SH2D6: variants seen among roughly 807,000 people sequenced by gnomAD.
SH2D6 encodes SH2 domain containing 6, also known as SH2 domain-containing protein 6.
SH2D6 carries 31 observed loss-of-function variants against 30.2 expected under a neutral mutation model. The ratio of observed to expected loss-of-function variants is 1.03; its 90% confidence interval spans 0.77 to 1.38. SH2D6 has a LOEUF of 1.38. Ranked by LOEUF, SH2D6 falls within the 40% of genes most tolerant of loss-of-function variation. The pLI is 0.00. For synonymous variants in SH2D6, 93 were observed against 104.6 expected, an observed-to-expected ratio of 0.89 and a Z score of 0.68; for missense variants, 240 against 266.8, an observed-to-expected ratio of 0.90 and a Z score of 0.70.
chr2:85,425,658 G>A (rs369961569), intron 6 of SH2D6, among the ~76,000 whole-genome samples: 33 of 152,350 alleles, frequency 2.2e-4, no homozygotes, highest in Middle Eastern at 3.4e-3. Context: ...GTAGCTCATA[G>A]CATCTCCAGC....
In SH2D6 at chr2:85,435,099, C is replaced by T; in HGVS notation, c.624C>T (p.Pro208=). ...AATCGTCTCTTCCCTCTGTAGCCCC[C>T]ACTGGGAGTGCCTCAGCTGCTGAGG... ...GRKSSLPSVA[P]TGSASAAEDS... Residue 208 remains proline (P), a synonymous_variant, in exon 20 of 24, where the codon CCC becomes CCT. Coordinates refer to ENST00000469800, the MANE Select transcript of SH2D6 (RefSeq NM_001394463.1). 6.2e-7 allele frequency: 1 copy of T among 1,611,888 alleles called. No homozygotes were observed. The highest frequency in any genetic ancestry group is 1.7e-5 in the Admixed American group (1 of 59,884).
At chr2:85,431,569 C>T (rs571562666) in intron 13 of SH2D6, among the ~76,000 whole-genome samples, 1 of 152,270 alleles carries the variant, frequency 6.6e-6, no homozygotes, top group African/African-American at 2.4e-5. Context: ...GATTCTGGGG[C>T]CTGAGGACCC....
chr2:85,434,918 G>T, intron 19 of SH2D6, 147 bp from the exon 20 acceptor site: 1 of 1,596,530 alleles, frequency 6.3e-7, no homozygotes. Flanking sequence ...TCTGGAGAGT[G>T]GAGGAAGCAC....
intron 19 of SH2D6, 150 bp from the exon 20 acceptor site, chr2:85,434,915 A>C: frequency 6.3e-7 from 1 of 1,595,238 alleles, no homozygotes; most frequent in Non-Finnish European, 8.5e-7. Flanking sequence ...GGATCTGGAG[A>C]GTGGAGGAAG....
rs960161691 is a variant in SH2D6 at position 85,430,985 on chromosome 2, GGCT to G, written c.251-222_251-220del. 1.3e-5 allele frequency among the ~76,000 whole-genome samples: 2 copies of G among 151,490 alleles called. No homozygotes were observed. Among genetic ancestry groups the G allele is most frequent in the African/African-American group, 4.8e-5 (2 of 41,354 alleles). On this transcript the variant is annotated intron_variant, in intron 12 of 23. Transcript: ENST00000469800. The surrounding 1 kb of genome is among the most constrained non-coding windows in gnomAD (Gnocchi z 4.3). ...AGGGCGGGGGTGCTGGGAGAGCCCC[GGCT>G]GCCGCTGGCATCCCACCCCCACTGC... is the stretch of plus-strand genomic sequence containing the variant.
chr2:85,425,894 A>C (rs983705103), intron 6 of SH2D6, among the ~76,000 whole-genome samples: 1 of 152,196 alleles, frequency 6.6e-6, no homozygotes, highest in Non-Finnish European at 1.5e-5. Context: ...AGAGTCTGGC[A>C]CGGGGCCTCT....
intron 15 of SH2D6, 118 bp downstream of exon 15, chr2:85,433,239 A>T: frequency 1.4e-6 from 1 of 740,336 alleles, no homozygotes; most frequent in Non-Finnish European, 1.6e-6. Flanking sequence ...GAAAAGGCCC[A>T]GAGCAGGGCC....
intron 15 of SH2D6, 107 bp downstream of exon 15, chr2:85,433,228 G>A (rs1037291333): frequency 1.2e-6 from 1 of 819,998 alleles, no homozygotes; most frequent in African/African-American, 1.9e-5. Context: ...TGAAACCAAG[G>A]GAAAAGGCCC....
intron 17 of SH2D6, 69 bp downstream of exon 17, chr2:85,434,180 T>C (rs1375457309): frequency 6.5e-7 from 1 of 1,534,594 alleles, no homozygotes; most frequent in African/African-American, 1.4e-5. Context: ...GCACCCCAGT[T>C]CAGGCTTCCC....
chr2:85,434,380 T>C lies in SH2D6; in HGVS notation c.564+10T>C. ...CCAGGAAACTCGGAATGTAAGAGGC[T>C]GATGGTCAGGGGAGAAGAGAGGGAG... On this transcript the variant is annotated intron_variant, in intron 18 of 23. Transcript: ENST00000469800. 6.5e-7 allele frequency: 1 copy of C among 1,550,078 alleles called. No individual in the cohort carries two copies. The highest frequency in any genetic ancestry group is 8.7e-7 in the Non-Finnish European group (1 of 1,146,654).
Position 85,434,321 on chromosome 2 carries a change from C to T in SH2D6, c.534-19C>T, listed in dbSNP as rs977293933. The stretch of plus-strand genomic sequence containing the variant: ...AACATAAAGACCCTGAGTTCTGTCC[C>T]CCGATTTGCTTCCCACAGGCCTACC... On this transcript the variant is annotated intron_variant, in intron 17 of 23. Coordinates refer to ENST00000469800, the MANE Select transcript of SH2D6 (RefSeq NM_001394463.1). The T allele has an allele frequency of 1.9e-6, 3 of 1,541,378 alleles. No individual in the cohort carries two copies. Among genetic ancestry groups the T allele is most frequent in the African/African-American group, 1.4e-5 (1 of 72,800 alleles).
intron 20 of SH2D6, 90 bp from the exon 21 acceptor site, chr2:85,435,323 G>A (rs1022449365): frequency 1.3e-5 from 18 of 1,427,244 alleles, no homozygotes; most frequent in Non-Finnish European, 1.5e-5. Context: ...ATAGGAGATG[G>A]GAACATAAAT....
intron 5 of SH2D6, among the ~76,000 whole-genome samples, chr2:85,423,168 G>A (rs986215595): frequency 3.3e-5 from 5 of 152,078 alleles, no homozygotes; most frequent in Admixed American, 6.5e-5. Context: ...GACTACAGGC[G>A]TGAGCCCCTG....
At chr2:85,429,323 G>A (rs948638106) in intron 7 of SH2D6, 49 bp from the exon 8 acceptor site, 1 of 152,342 alleles carries the variant, frequency 6.6e-6, no homozygotes, top group East Asian at 1.9e-4. Context: ...CCTGGATGAA[G>A]TTGGTCCAGG....
In SH2D6 at chr2:85,435,733, T is replaced by G. The variant is rs1429583346; in HGVS notation, c.800T>G (p.Leu267Arg). ...HGSQPFTLAVLLRGRVFNIPI... is the reference protein window; with the variant it reads ...HGSQPFTLAVRLRGRVFNIPI... ...TCCCAGCCCTTCACCCTGGCAGTGC[T>G]TCTCCGAGGCCGGGTCTTCAACATT... Residue 267 changes from leucine (L) to arginine (R), a missense_variant, in exon 22 of 24, where the codon CTT becomes CGT. Physicochemically the swap from Leu to Arg is moderately radical, Grantham distance 102. Coordinates refer to ENST00000469800, the MANE Select transcript of SH2D6 (RefSeq NM_001394463.1). 6.2e-7 allele frequency: 1 copy of G among 1,613,136 alleles called. No homozygotes were observed. Among genetic ancestry groups the G allele is most frequent in the Non-Finnish European group, 8.5e-7 (1 of 1,179,764 alleles).
chr2:85,433,623 C>G lies in SH2D6; in HGVS notation c.446C>G (p.Pro149Arg). 9.8e-7 allele frequency: 1 copy of G among 1,016,802 alleles called. No individual in the cohort carries two copies. Among genetic ancestry groups the G allele is most frequent in the Non-Finnish European group, 1.2e-6 (1 of 849,390 alleles). The allele number at this position is 1,016,802 out of a possible 1,614,324, so 63.0% of individuals were successfully genotyped here. ...GAGGACCTCTACTTGGAATGTGAGC[C>G]GGATCCAGGTGAGCCCCTCCCTCAG... ...PDEDLYLECE[P>R]DPVLALTQTL... The change falls in exon 16 of 24, where the codon CCG becomes CGG. Residue 149 changes from proline (P) to arginine (R), a missense_variant. Transcript: ENST00000469800.
chr2:85,435,611 G>C lies in SH2D6; in HGVS notation c.733-55G>C, dbSNP rs1007077608. The C allele has an allele frequency of 5.7e-6, 9 of 1,579,768 alleles. No individual in the cohort carries two copies. The African/African-American group carries it at 1.1e-4, about 19-fold the overall frequency. On this transcript the variant is annotated intron_variant, in intron 21 of 23. Transcript: ENST00000469800. Reference sequence around the variant, plus strand: ...AGGGTTCTGGCCCCATCATGGGTCAGGGCAGTGGGAGGGCCATTGGAAGAT... The same window carrying C: ...AGGGTTCTGGCCCCATCATGGGTCACGGCAGTGGGAGGGCCATTGGAAGAT...
At chr2:85,420,390 G>A (rs1687705666) in intron 2 of SH2D6, among the ~76,000 whole-genome samples, 1 of 152,172 alleles carries the variant, frequency 6.6e-6, no homozygotes, top group Non-Finnish European at 1.5e-5. Context: ...AAAGTGCCGG[G>A]ATTACAGGCA....
At chr2:85,434,722 C>G (rs1689197994) in intron 19 of SH2D6, 1 of 1,433,950 alleles carries the variant, frequency 7.0e-7, no homozygotes, top group Non-Finnish European at 9.1e-7. Context: ...CAGACTCCCT[C>G]AGGCCCCAAG....
Sources: allele counts gnomAD v4.1 joint callset (sites outside exome capture counted in the v4.1 genomes callset), GRCh38; gene constraint gnomAD v4.1.1; non-coding constraint Gnocchi (gnomAD v3.1); transcripts MANE v1.5; gene names NCBI Gene and HGNC (gene_info 2026-07-23, HGNC 2026-07-21).